CTNNA2: variants seen among roughly 807,000 people sequenced by gnomAD.
CTNNA2 encodes the protein catenin alpha-2.
A neutral mutation model predicts 101.0 loss-of-function variants in CTNNA2; 42 were observed. That is an observed-to-expected ratio of 0.42 (90% CI 0.32 to 0.54). CTNNA2 has a LOEUF of 0.54. Ranked by LOEUF, CTNNA2 falls within the 20% of genes least tolerant of loss-of-function variation. The probability of loss-of-function intolerance (pLI) is 0.14; values close to 1 mark genes in which losing one functional copy is unlikely to be tolerated. For synonymous variants in CTNNA2, 450 were observed against 456.4 expected, an observed-to-expected ratio of 0.99 and a Z score of 0.18; for missense variants, 871 against 1,223.1, an observed-to-expected ratio of 0.71 and a Z score of 4.29.
chr2:79,454,857 C>T (rs1467730109), intron 4 of CTNNA2, among the ~76,000 whole-genome samples: 3 of 152,154 alleles, frequency 2.0e-5, no homozygotes, highest in Admixed American at 2.0e-4. Flanking sequence ...TCCATAGAGG[C>T]AGACCTGTGA....
intron 9 of CTNNA2, among the ~76,000 whole-genome samples, chr2:80,447,989 C>T (rs780848349): frequency 6.6e-6 from 1 of 152,112 alleles, no homozygotes; most frequent in African/African-American, 2.4e-5. Context: ...AATGTTCTCC[C>T]GAATATTTGT....
chr2:80,027,226 T>C (rs769483156), intron 7 of CTNNA2, among the ~76,000 whole-genome samples: 4 of 152,136 alleles, frequency 2.6e-5, no homozygotes, highest in Non-Finnish European at 4.4e-5. Context: ...GGGAATGGCA[T>C]GGGGAGGGGA....
At chr2:79,608,117 A>C (rs1007142361) in intron 1 of CTNNA2, among the ~76,000 whole-genome samples, 3 of 152,070 alleles carry the variant, frequency 2.0e-5, no homozygotes, top group African/African-American at 7.2e-5. Context: ...TATGACAAGG[A>C]TAATAGAATA....
chr2:79,187,153 A>G (rs1673787486), intron 1 of CTNNA2, among the ~76,000 whole-genome samples: 1 of 152,094 alleles, frequency 6.6e-6, no homozygotes, highest in Non-Finnish European at 1.5e-5. Flanking sequence ...TGTCTGATAT[A>G]TCCATAAATT....
chr2:80,646,984 T>C (rs980563072), intron 18 of CTNNA2, among the ~76,000 whole-genome samples: 1 of 152,242 alleles, frequency 6.6e-6, no homozygotes, highest in South Asian at 2.1e-4. Flanking sequence ...TAGTAAATAC[T>C]GAATATTTCA....
chr2:80,310,327 T>C (rs1207669379), intron 7 of CTNNA2, among the ~76,000 whole-genome samples: 1 of 152,212 alleles, frequency 6.6e-6, no homozygotes. Flanking sequence ...TAAAGTTTGA[T>C]TTTGTAATTG....
Position 79,682,137 on chromosome 2 carries a change from G to A in CTNNA2, c.102+30479G>A, listed in dbSNP as rs946771281. On this transcript the variant is annotated intron_variant, in intron 2 of 18. Transcript: ENST00000402739. ...GAAAAATCTGAATCTGGCCAGGCGC[G>A]GTGGCTCACGCCTGTAATCCCAGCA... 3.9e-5 allele frequency among the ~76,000 whole-genome samples: 6 copies of A among 152,004 alleles called. No individual in the cohort carries two copies. In the East Asian group the frequency reaches 9.7e-4, roughly 25 times the overall value.
chr2:80,318,208 A>C lies in CTNNA2; in HGVS notation c.1057-75003A>C, dbSNP rs574382548. On this transcript the variant is annotated intron_variant, in intron 7 of 18. Coordinates refer to ENST00000402739, the MANE Select transcript of CTNNA2 (RefSeq NM_001282597.3). ...GAAGAGTTCACTCACTAGTAGGAGA[A>C]TCATACTCCCAGAAGTCCATATTAA... 2.6e-5 allele frequency among the ~76,000 whole-genome samples: 4 copies of C among 152,314 alleles called. No individual in the cohort carries two copies. The South Asian group carries it at 6.2e-4, about 24-fold the overall frequency.
At chr2:79,818,978 CTTTT>C (rs763868991) in intron 3 of CTNNA2, among the ~76,000 whole-genome samples, 1 of 131,732 alleles carries the variant, frequency 7.6e-6, no homozygotes, top group Non-Finnish European at 1.6e-5. Context: ...TATTCTTTTT[CTTTT>C]TTTTTTTTTT....
intron 7 of CTNNA2, among the ~76,000 whole-genome samples, chr2:80,154,993 G>A (rs560047879): frequency 1.3e-5 from 2 of 149,230 alleles, no homozygotes; most frequent in South Asian, 4.7e-4. Flanking sequence ...ACACTTCATG[G>A]AAAATGACCA....
intron 4 of CTNNA2, among the ~76,000 whole-genome samples, chr2:79,481,377 A>G (rs916341629): frequency 4.6e-5 from 7 of 152,136 alleles, no homozygotes; most frequent in Admixed American, 4.6e-4. Flanking sequence ...CTCATTTCCC[A>G]AATTGCAATA....
At position 79,189,089 on chromosome 2, in the gene CTNNA2, A is replaced by G. The variant is rs188304231; in HGVS notation, c.-524+3658A>G. Among the ~76,000 whole-genome samples the G allele has an allele frequency of 2.8e-3, 427 of 152,308 alleles. 1 individual carries two copies. The highest frequency in any genetic ancestry group is 9.9e-3 in the African/African-American group (413 of 41,570). On this transcript the variant is annotated intron_variant, in intron 1 of 21. Coordinates refer to the CTNNA2 transcript ENST00000466387. ...AGTATCTAGGTGTTCTGAGAAACTCAAGCATCAAGATGCTGGTTAGACCCA... is the reference window on the plus strand; with the variant it reads ...AGTATCTAGGTGTTCTGAGAAACTCGAGCATCAAGATGCTGGTTAGACCCA...
intron 7 of CTNNA2, among the ~76,000 whole-genome samples, chr2:79,946,298 T>G (rs1688487875): frequency 1.3e-5 from 2 of 152,126 alleles, no homozygotes; most frequent in Non-Finnish European, 2.9e-5. Flanking sequence ...TTAAGCCTCC[T>G]TATTCCGTTT....
rs539611499 is a variant in CTNNA2, at chr2:79,798,224, A to G, written c.298+53642A>G. Among the ~76,000 whole-genome samples, 7 of 152,300 alleles carry G rather than the reference A, an allele frequency of 4.6e-5. 1 individual carries two copies. The East Asian group carries it at 1.4e-3, about 29-fold the overall frequency. On this transcript the variant is annotated intron_variant, in intron 3 of 18. Coordinates refer to ENST00000402739, the MANE Select transcript of CTNNA2 (RefSeq NM_001282597.3). ...AGTCCAACTCTTATGTCTCCACATC[A>G]GGGAACAGGTTGAAAGCAAGATGGT... is the stretch of plus-strand genomic sequence containing the variant.
chr2:80,606,501 T>C (rs984718039), intron 16 of CTNNA2, among the ~76,000 whole-genome samples: 16 of 151,760 alleles, frequency 1.1e-4, no homozygotes, highest in Non-Finnish European at 2.2e-4. Flanking sequence ...GGATTAAGTT[T>C]AAACCTAATC....
At chr2:80,258,591 G>C (rs1672354372) in intron 7 of CTNNA2, among the ~76,000 whole-genome samples, 1 of 152,122 alleles carries the variant, frequency 6.6e-6, no homozygotes, top group South Asian at 2.1e-4. Context: ...ATGATAAACA[G>C]ACCATCTCCC....
At chr2:80,439,152 T>G (rs926966360) in intron 9 of CTNNA2, among the ~76,000 whole-genome samples, 2 of 152,182 alleles carry the variant, frequency 1.3e-5, no homozygotes, top group African/African-American at 4.8e-5. Flanking sequence ...CTAAATAATT[T>G]TTTGACTACT....
At chr2:80,163,055 A>G (rs1704432162) in intron 7 of CTNNA2, 3 of 1,564,932 alleles carry the variant, frequency 1.9e-6, no homozygotes, top group South Asian at 1.1e-5. Context: ...TCATTGCATA[A>G]GGAACAGATA....
At chr2:80,045,811 A>G (rs894966734) in intron 7 of CTNNA2, among the ~76,000 whole-genome samples, 4 of 152,008 alleles carry the variant, frequency 2.6e-5, no homozygotes, top group South Asian at 2.1e-4. Flanking sequence ...CAGGCCATTG[A>G]AAAAAAATGT....
Sources: allele counts gnomAD v4.1 joint callset (sites outside exome capture counted in the v4.1 genomes callset), GRCh38; gene constraint gnomAD v4.1.1; transcripts MANE v1.5; gene names NCBI Gene and HGNC (gene_info 2026-07-23, HGNC 2026-07-21).